The following ITGA8 variants were observed in gnomAD, a reference collection of about 807,000 sequenced individuals.
The protein encoded by ITGA8 is integrin alpha-8.
ITGA8 carries 91 observed loss-of-function variants against 142.3 expected under a neutral mutation model. That is an observed-to-expected ratio of 0.64 (90% CI 0.54 to 0.76). ITGA8 has a LOEUF of 0.76. Among genes scored for constraint, ITGA8 ranks in the 30% least tolerant of loss-of-function variants. The pLI is 0.00. For synonymous variants in ITGA8, 505 were observed against 485.2 expected, an observed-to-expected ratio of 1.04 and a Z score of -0.54; for missense variants, 1,406 against 1,327.7, an observed-to-expected ratio of 1.06 and a Z score of -0.92.
At chr10:15,603,035 GTT>G (rs913142499) in intron 20 of ITGA8, among the ~76,000 whole-genome samples, 3 of 149,152 alleles carry the variant, frequency 2.0e-5, no homozygotes, top group Non-Finnish European at 4.5e-5. Context: ...TGACTTTGGA[GTT>G]TTTTTTTTCT....
At chr10:15,517,476 A>G (rs1032369327) in intron 29 of ITGA8, among the ~76,000 whole-genome samples, 3 of 152,080 alleles carry the variant, frequency 2.0e-5, no homozygotes, top group Non-Finnish European at 4.4e-5. Context: ...GGCCTGCACC[A>G]CCACACCCAG....
chr10:15,653,142 T>C (rs1834119596), intron 11 of ITGA8, among the ~76,000 whole-genome samples: 1 of 152,172 alleles, frequency 6.6e-6, no homozygotes, highest in South Asian at 2.1e-4. Context: ...CCTCAGGGAA[T>C]ACGCACCTTT....
rs911767181 is a variant in ITGA8, at chr10:15,597,382, C to T, written c.2119-83G>A. 1.0e-5 allele frequency: 11 copies of T among 1,077,080 alleles called. No individual in the cohort carries two copies. In the African/African-American group the frequency reaches 1.7e-4, roughly 17 times the overall value. The allele number at this position is 1,077,080 out of a possible 1,614,324, so 66.7% of individuals were successfully genotyped here. A position where few individuals can be genotyped will look rare whatever the true frequency, so the allele number is the denominator to read the frequency against. On this transcript the variant is annotated intron_variant, in intron 20 of 29. Coordinates refer to ENST00000378076, the MANE Select transcript of ITGA8 (RefSeq NM_003638.3). The stretch of plus-strand genomic sequence containing the variant: ...AAGCCATGCTGGGGGCCTGGGAGCT[C>T]CCCTGGATCTCAAACACCCAGGAGG...
intron 13 of ITGA8, among the ~76,000 whole-genome samples, chr10:15,635,411 T>C (rs760341646): frequency 5.9e-5 from 9 of 152,160 alleles, no homozygotes; most frequent in Non-Finnish European, 8.8e-5. Context: ...CAGAGAAGTG[T>C]AGAATTAAAA....
chr10:15,694,146 CAT>C (rs1834986238), intron 2 of ITGA8, among the ~76,000 whole-genome samples: 1 of 143,092 alleles, frequency 7.0e-6, no homozygotes, highest in Non-Finnish European at 1.5e-5. Flanking sequence ...GATAATATAT[CAT>C]ATATCAGATA....
chr10:15,599,876 G>A (rs1262016163), intron 20 of ITGA8, among the ~76,000 whole-genome samples: 1 of 152,102 alleles, frequency 6.6e-6, no homozygotes, highest in East Asian at 1.9e-4. Flanking sequence ...AGCTGAGATC[G>A]CGCCATTGCA....
intron 25 of ITGA8, among the ~76,000 whole-genome samples, chr10:15,564,334 G>T (rs1834035644): frequency 6.6e-6 from 1 of 152,220 alleles, no homozygotes; most frequent in South Asian, 2.1e-4. Context: ...AACATTTGGA[G>T]CCTCTTTCAC....
chr10:15,678,310 TTTTTTGAAAGG>T (rs1834670692), intron 5 of ITGA8, among the ~76,000 whole-genome samples: 1 of 152,216 alleles, frequency 6.6e-6, no homozygotes, highest in Non-Finnish European at 1.5e-5. Context: ...CTCTTTTTAA[TTTTTTGAAAGG>T]ATATATGAAT....
chr10:15,537,160 G>C (rs796483797), intron 27 of ITGA8, among the ~76,000 whole-genome samples: 2 of 152,100 alleles, frequency 1.3e-5, no homozygotes, highest in South Asian at 2.1e-4. Context: ...CCAACATAAC[G>C]CAACAAGTCA....
intron 8 of ITGA8, among the ~76,000 whole-genome samples, chr10:15,663,716 G>T (rs1435042070): frequency 6.6e-6 from 1 of 151,958 alleles, no homozygotes; most frequent in Non-Finnish European, 1.5e-5. Context: ...TGGGACTACA[G>T]GTGCATGCCA....
intron 2 of ITGA8, among the ~76,000 whole-genome samples, chr10:15,705,589 A>G (rs1835242776): frequency 6.6e-6 from 1 of 152,078 alleles, no homozygotes; most frequent in Non-Finnish European, 1.5e-5. Context: ...TTAGACTATA[A>G]TCAAGCTATA....
At position 15,711,748 on chromosome 10, in the gene ITGA8, T is replaced by C. The variant is rs892256031; in HGVS notation, c.343+7018A>G. On this transcript the variant is annotated intron_variant, in intron 2 of 29. Coordinates refer to ENST00000378076, the MANE Select transcript of ITGA8 (RefSeq NM_003638.3). ...TCACTTCTATAAAGACTTATTTTTG[T>C]AATCTATACCTTAATTTTACCCCCC... Among the ~76,000 whole-genome samples, 4 of 152,176 alleles carry C rather than the reference T, an allele frequency of 2.6e-5. No individual in the cohort carries two copies. The South Asian group carries it at 6.2e-4, about 24-fold the overall frequency.
chr10:15,583,983 T>G (rs1394851625), intron 23 of ITGA8, among the ~76,000 whole-genome samples: 1 of 152,184 alleles, frequency 6.6e-6, no homozygotes, highest in East Asian at 1.9e-4. Context: ...TGAAAAAAAG[T>G]CAACTCTTTT....
intron 11 of ITGA8, among the ~76,000 whole-genome samples, chr10:15,653,006 G>GT (rs1188310274): frequency 2.6e-5 from 4 of 152,248 alleles, no homozygotes; most frequent in African/African-American, 7.2e-5. Flanking sequence ...CCATGGCAGA[G>GT]TTTGTGTTGC....
chr10:15,646,155 C>T (rs919552324), intron 12 of ITGA8, among the ~76,000 whole-genome samples: 1 of 152,184 alleles, frequency 6.6e-6, no homozygotes, highest in African/African-American at 2.4e-5. Flanking sequence ...GGATAGCCAA[C>T]ATCAAATGTG....
intron 2 of ITGA8, among the ~76,000 whole-genome samples, chr10:15,706,467 C>T (rs568482712): frequency 2.0e-5 from 3 of 152,140 alleles, no homozygotes; most frequent in South Asian, 4.2e-4. Context: ...TTTTTCCCTC[C>T]TGTCACTCAC....
At chr10:15,581,866 A>G (rs1834414202) in intron 23 of ITGA8, among the ~76,000 whole-genome samples, 1 of 152,228 alleles carries the variant, frequency 6.6e-6, no homozygotes, top group African/African-American at 2.4e-5. Flanking sequence ...CACATATAAT[A>G]ATGGATTTTC....
intron 25 of ITGA8, among the ~76,000 whole-genome samples, chr10:15,565,532 G>C (rs1251954345): frequency 1.5e-5 from 2 of 136,816 alleles, no homozygotes; most frequent in Non-Finnish European, 3.1e-5. Context: ...AGGAGTTAAT[G>C]GTAAAGATAT....
chr10:15,637,107 T>C (rs1588689967), intron 13 of ITGA8, among the ~76,000 whole-genome samples: 2 of 152,204 alleles, frequency 1.3e-5, no homozygotes, highest in East Asian at 1.9e-4. Flanking sequence ...ATTGTGACGC[T>C]GCACTCCAAC....
Sources: allele counts gnomAD v4.1 joint callset (sites outside exome capture counted in the v4.1 genomes callset), GRCh38; gene constraint gnomAD v4.1.1; transcripts MANE v1.5; gene names NCBI Gene and HGNC (gene_info 2026-07-23, HGNC 2026-07-21).